The following GHR variants were observed in gnomAD, a reference collection of about 807,000 sequenced individuals.
GHR encodes the protein growth hormone receptor.
A neutral mutation model predicts 67.1 loss-of-function variants in GHR; 35 were observed. The ratio of observed to expected loss-of-function variants is 0.52; its 90% CI spans 0.40 to 0.69. The LOEUF (loss-of-function observed/expected upper bound fraction) is 0.69. Ranked by LOEUF, GHR falls within the 30% of genes least tolerant of loss-of-function variation. The pLI, the probability that GHR is intolerant of heterozygous loss-of-function variation, is 0.00. For missense variants in GHR, 792 were observed against 764.6 expected (o/e 1.04, Z -0.42); for synonymous variants, 272 against 269.1 (o/e 1.01, Z -0.10).
At chr5:42,595,266 A>G (rs1752005472) in intron 2 of GHR, among the ~76,000 whole-genome samples, 1 of 152,210 alleles carries the variant, frequency 6.6e-6, no homozygotes, top group South Asian at 2.1e-4. Context: ...TGTAGAACAT[A>G]CTGTTTCATT....
intron 3 of GHR, among the ~76,000 whole-genome samples, chr5:42,684,079 G>T (rs560861413): frequency 9.2e-5 from 14 of 152,196 alleles, no homozygotes; most frequent in African/African-American, 3.4e-4. Context: ...GAGAATATAG[G>T]AACCTGATTG....
intron 3 of GHR, among the ~76,000 whole-genome samples, chr5:42,644,729 T>C (rs1260422238): frequency 2.0e-5 from 3 of 151,856 alleles, no homozygotes; most frequent in Admixed American, 1.3e-4. Context: ...AAAAAAAAGA[T>C]AGTGGAAGTA....
At chr5:42,483,128 G>GT (rs1461533616) in intron 1 of GHR, among the ~76,000 whole-genome samples, 1 of 152,116 alleles carries the variant, frequency 6.6e-6, no homozygotes, top group African/African-American at 2.4e-5. Context: ...GAGTGCAGTG[G>GT]TGCCATCTCA....
intron 2 of GHR, among the ~76,000 whole-genome samples, chr5:42,625,521 C>T (rs559023702): frequency 6.6e-6 from 1 of 152,110 alleles, no homozygotes; most frequent in South Asian, 2.1e-4. Flanking sequence ...TCAGGAGGTC[C>T]TGAGAACATG....
At chr5:42,589,234 A>G (rs945593012) in intron 2 of GHR, among the ~76,000 whole-genome samples, 4 of 152,220 alleles carry the variant, frequency 2.6e-5, no homozygotes, top group Admixed American at 6.5e-5. Flanking sequence ...TCTGTCTTCC[A>G]AAAATCCAAA....
intron 1 of GHR, among the ~76,000 whole-genome samples, chr5:42,476,669 T>C (rs1344948689): frequency 2.6e-5 from 4 of 152,158 alleles, no homozygotes; most frequent in African/African-American, 9.7e-5. Context: ...TATAAAGCCT[T>C]TTTCTAAAGT....
At chr5:42,542,384 TA>T (rs1168629736) in intron 1 of GHR, among the ~76,000 whole-genome samples, 1 of 152,160 alleles carries the variant, frequency 6.6e-6, no homozygotes, top group African/African-American at 2.4e-5. Context: ...TAGTGGAGAT[TA>T]AAGCCTGATT....
At chr5:42,430,875 G>T (rs560364956) in intron 1 of GHR, among the ~76,000 whole-genome samples, 1 of 152,140 alleles carries the variant, frequency 6.6e-6, no homozygotes, top group East Asian at 1.9e-4. Context: ...GGTTTACTTT[G>T]CTATAAGAAA....
chr5:42,683,957 C>G (rs987664453), intron 3 of GHR, among the ~76,000 whole-genome samples: 2 of 150,532 alleles, frequency 1.3e-5, no homozygotes, highest in Non-Finnish European at 3.0e-5. Flanking sequence ...GTTATTTTTT[C>G]TTTTTAAGTT....
Position 42,570,302 on chromosome 5 carries a change from T to C in GHR, c.70+4358T>C, listed in dbSNP as rs372207954. On this transcript the variant is annotated intron_variant, in intron 2 of 9. Coordinates refer to ENST00000230882, the MANE Select transcript of GHR (RefSeq NM_000163.5). ...AGAGGCAAGAAGAAATCTTATGGTG[T>C]GTTCTAGTGCAATGGCCTGCGTCCA... Among the ~76,000 whole-genome samples, 333 of 152,308 alleles carry C rather than the reference T, an allele frequency of 2.2e-3. 2 individuals are homozygous for C. The highest frequency in any genetic ancestry group is 7.8e-3 in the African/African-American group (325 of 41,566).
At chr5:42,575,370 TAGGATGCTGAGACA>T (rs1750597663) in intron 2 of GHR, among the ~76,000 whole-genome samples, 2 of 151,988 alleles carry the variant, frequency 1.3e-5, no homozygotes, top group African/African-American at 4.8e-5. Context: ...TCCCCAGAAG[TAGGATGCTGAGACA>T]AGGATTCCTA....
chr5:42,678,659 G>A (rs1192731174), intron 3 of GHR, among the ~76,000 whole-genome samples: 1 of 152,044 alleles, frequency 6.6e-6, no homozygotes, highest in African/African-American at 2.4e-5. Flanking sequence ...GCCAGACAAA[G>A]GAAACATTCT....
chr5:42,471,356 A>T (rs1352462776), intron 1 of GHR, among the ~76,000 whole-genome samples: 1 of 152,214 alleles, frequency 6.6e-6, no homozygotes, highest in Non-Finnish European at 1.5e-5. Context: ...TTTGGTTAGT[A>T]ACTTTAAAAA....
At chr5:42,547,653 A>G (rs1748799608) in intron 1 of GHR, among the ~76,000 whole-genome samples, 1 of 152,208 alleles carries the variant, frequency 6.6e-6, no homozygotes, top group Non-Finnish European at 1.5e-5. Flanking sequence ...TGACCAAAAT[A>G]TACTTAGTTG....
In GHR at chr5:42,424,107, G is replaced by T. The variant is rs1742734001; in HGVS notation, c.-12+152G>T. Among the ~76,000 whole-genome samples the T allele has an allele frequency of 6.6e-6, 1 of 151,198 alleles. No individual in the cohort carries two copies. The highest frequency in any genetic ancestry group is 1.5e-5 in the Non-Finnish European group (1 of 67,924). Reference sequence around the variant, plus strand: ...ATAATTTTTTATTCCGGATGACTTGGCTGTGCTCCCCTCCTCCTTGCGAAG... The same window carrying T: ...ATAATTTTTTATTCCGGATGACTTGTCTGTGCTCCCCTCCTCCTTGCGAAG... On this transcript the variant is annotated intron_variant, in intron 1 of 9. Coordinates refer to ENST00000230882, the MANE Select transcript of GHR (RefSeq NM_000163.5). This position sits in a 1 kb window ranked among gnomAD's most constrained non-coding sequence, Gnocchi z 4.1.
rs144123535 is a variant in GHR at position 42,704,278 on chromosome 5, T to C, written c.618+4276T>C. Among the ~76,000 whole-genome samples, 9 of 152,168 alleles carry C rather than the reference T, an allele frequency of 5.9e-5. 1 individual carries two copies. The highest frequency in any genetic ancestry group is 2.2e-4 in the African/African-American group (9 of 41,560). On this transcript the variant is annotated intron_variant, in intron 6 of 9. Coordinates refer to ENST00000230882, the MANE Select transcript of GHR (RefSeq NM_000163.5). ...TTTTATCATGAAAGGATATTGAATT[T>C]TGACAAGTGCTTCTTCTGTATCTGT...
intron 3 of GHR, among the ~76,000 whole-genome samples, chr5:42,659,989 C>T (rs542792272): frequency 3.3e-5 from 5 of 152,138 alleles, no homozygotes; most frequent in South Asian, 2.1e-4. Context: ...CCTACGCCCA[C>T]GGAGTCTCGC....
chr5:42,447,443 A>G (rs974581001), intron 1 of GHR, among the ~76,000 whole-genome samples: 2 of 152,202 alleles, frequency 1.3e-5, no homozygotes, highest in Non-Finnish European at 2.9e-5. Context: ...GGGTTGCTGC[A>G]AATGCCATTA....
chr5:42,580,066 TCA>T, intron 2 of GHR, among the ~76,000 whole-genome samples: 1 of 152,206 alleles, frequency 6.6e-6, no homozygotes, highest in Non-Finnish European at 1.5e-5. Context: ...GAACTATATA[TCA>T]GTAGCCTTTA....
Sources: gnomAD v4.1 joint callset for allele counts (sites outside exome capture counted in the v4.1 genomes callset) on GRCh38, gnomAD v4.1.1 for gene constraint, Gnocchi (gnomAD v3.1) non-coding constraint, MANE v1.5 for transcripts, NCBI Gene and HGNC (gene_info 2026-07-23, HGNC 2026-07-21) for gene names.